IGSF22: variants seen among roughly 807,000 people sequenced by gnomAD.
IGSF22 encodes the protein immunoglobulin superfamily, member 22.
A neutral mutation model predicts 127.0 loss-of-function variants in IGSF22; 119 were observed. That is an observed-to-expected ratio of 0.94 (90% CI 0.81 to 1.09). The LOEUF is 1.09. IGSF22 is among the 50% of genes least tolerant of loss of function. IGSF22 has a pLI of 0.00. For synonymous variants in IGSF22, 568 were observed against 664.7 expected, an observed-to-expected ratio of 0.85 and a Z score of 2.24; for missense variants, 1,518 against 1,716.6, an observed-to-expected ratio of 0.88 and a Z score of 2.04.
At chr11:18,707,719 G>A (rs1590435421) in intron 20 of IGSF22, 85 bp downstream of exon 20, 1 of 1,131,924 alleles carries the variant, frequency 8.8e-7, no homozygotes. Flanking sequence ...ACTTTCCTGT[G>A]GTAGGAACTC....
Position 18,720,277 on chromosome 11 carries a change from T to C in IGSF22, c.387A>G (p.Pro129=). 6.2e-7 allele frequency: 1 copy of C among 1,613,836 alleles called. No individual in the cohort carries two copies. The highest frequency in any genetic ancestry group is 8.5e-7 in the Non-Finnish European group (1 of 1,179,874). Reference sequence around the variant, plus strand: ...AGTTGTCAGAGTCATCCGAAGTCAGTGGCTCCAGCTGGATCAAAGTCCGGC... The same window carrying C: ...AGTTGTCAGAGTCATCCGAAGTCAGCGGCTCCAGCTGGATCAAAGTCCGGC... The part of the protein sequence containing the change: ...INKEHVLKLE[P]LTSDDSDNYK... Residue 129 remains proline (P), a synonymous_variant, in exon 5 of 23, where the codon CCA becomes CCG. Transcript: ENST00000513874.
chr11:18,725,232 A>G (rs1848634189), intron 1 of IGSF22, among the ~76,000 whole-genome samples: 1 of 151,960 alleles, frequency 6.6e-6, no homozygotes, highest in African/African-American at 2.4e-5. Flanking sequence ...AATTCAAGCC[A>G]TTCTCCTGCC....
intron 15 of IGSF22, among the ~76,000 whole-genome samples, chr11:18,711,099 C>T (rs535895727): frequency 1.8e-4 from 28 of 151,756 alleles, no homozygotes; most frequent in Admixed American, 1.8e-3. Context: ...ACTTTGCTTG[C>T]ACATTAACAT....
Position 18,704,358 on chromosome 11 carries a change from A to G in IGSF22, c.*110T>C, listed in dbSNP as rs1848180446. ...CCCCATCCCTTCACTGAATGTTTAC[A>G]TTAACAAACACCAGAGAGCAAACTG... On this transcript the variant is annotated 3_prime_UTR_variant, in exon 23 of 23. Transcript: ENST00000513874. 2 of 727,744 alleles carry G rather than the reference A, an allele frequency of 2.7e-6. No homozygotes were observed. The highest frequency in any genetic ancestry group is 2.7e-5 in the East Asian group (1 of 36,986). The allele number at this position is 727,744 out of a possible 1,614,324, so 45.1% of individuals were successfully genotyped here.
rs1848468343 is a variant in IGSF22 at position 18,716,691 on chromosome 11, T to A, written c.1246+37A>T. The A allele has an allele frequency of 6.2e-7, 1 of 1,602,688 alleles. No individual in the cohort carries two copies. The highest frequency in any genetic ancestry group is 8.5e-7 in the Non-Finnish European group (1 of 1,171,236). ...TACCTGCATGGAGGTTGCTGTGCCA[T>A]AAAGCCCACCCCTTAGGCTCTTGCC... On this transcript the variant is annotated intron_variant, in intron 10 of 22. Coordinates refer to ENST00000513874, the MANE Select transcript of IGSF22 (RefSeq NM_173588.4). This position sits in a 1 kb window ranked among gnomAD's most constrained non-coding sequence, Gnocchi z 4.5.
In IGSF22 at chr11:18,709,804, A is replaced by C. The variant is rs1277721973; in HGVS notation, c.2702-121T>G. ...CACTACTTCTAGCTCCAGATCCCTC[A>C]GTTAACACCCTTAGTACCTAGCCTT... On this transcript the variant is annotated intron_variant, in intron 17 of 22. Transcript: ENST00000513874. The surrounding 1 kb of genome is among the most constrained non-coding windows in gnomAD (Gnocchi z 4.8). 3 of 970,984 alleles carry C rather than the reference A, an allele frequency of 3.1e-6. No individual in the cohort carries two copies. In the African/African-American group the frequency reaches 4.9e-5, roughly 16 times the overall value. 60.1% of individuals were successfully genotyped at this position (970,984 alleles called of 1,614,324 possible).
intron 20 of IGSF22, 85 bp downstream of exon 20, chr11:18,707,719 G>C (rs1590435421): frequency 8.8e-7 from 1 of 1,131,806 alleles, no homozygotes; most frequent in East Asian, 2.6e-5. Context: ...ACTTTCCTGT[G>C]GTAGGAACTC....
chr11:18,718,070 CT>C lies in IGSF22; in HGVS notation c.833del (p.Gln278ArgfsTer9). 1 of 1,614,132 alleles carries C rather than the reference CT, an allele frequency of 6.2e-7. No homozygotes were observed. The highest frequency in any genetic ancestry group is 2.2e-5 in the East Asian group (1 of 44,884). On this transcript the variant is annotated frameshift_variant, in exon 9 of 23. Transcript: ENST00000513874. LOFTEE classifies it high-confidence loss of function. Reference sequence around the variant, plus strand: ...TCACATCGTACTTGCCCAGGGAGTACTGGATCCTCAGTGGCTCAGTACCCTG... The same window carrying C: ...TCACATCGTACTTGCCCAGGGAGTACGGATCCTCAGTGGCTCAGTACCCTG... ...WIKGTEPLRIQYSLGKYDVKQ... is the reference protein window; with the variant it reads ...WIKGTEPLRIXYSLGKYDVKQ...
chr11:18,707,745 G>C (rs1848269654), intron 20 of IGSF22, 59 bp downstream of exon 20: 1 of 1,421,050 alleles, frequency 7.0e-7, no homozygotes, highest in Admixed American at 2.0e-5. Flanking sequence ...GCACTGGGGA[G>C]CTGTGCTTTG....
intron 20 of IGSF22, 129 bp downstream of exon 20, chr11:18,707,675 G>T: frequency 1.4e-6 from 1 of 714,382 alleles, no homozygotes; most frequent in Non-Finnish European, 2.3e-6. Context: ...CTTGCTCTGT[G>T]GTGTCAAAGA....
Position 18,710,713 on chromosome 11 carries a change from T to C in IGSF22, c.2514A>G (p.Val838=). 1 of 1,614,188 alleles carries C rather than the reference T, an allele frequency of 6.2e-7. No homozygotes were observed. The highest frequency in any genetic ancestry group is 8.5e-7 in the Non-Finnish European group (1 of 1,179,998). The change falls in exon 16 of 23, where the codon GTA becomes GTG. Residue 838 remains valine (V), a synonymous_variant. Coordinates refer to ENST00000513874, the MANE Select transcript of IGSF22 (RefSeq NM_173588.4). ...DGGAPVLGYI[V]ERRKKGSNLW... ...GGTTGCTGCCTTTCTTCCTTCGTTC[T>C]ACAATGTAGCCGAGCACTGGGGCTC...
In IGSF22 at chr11:18,704,341, C is replaced by G; in HGVS notation, c.*127G>C. Reference sequence around the variant, plus strand: ...ATGAGTTACGTTTATTGCCCCATCCCTTCACTGAATGTTTACATTAACAAA... The same window carrying G: ...ATGAGTTACGTTTATTGCCCCATCCGTTCACTGAATGTTTACATTAACAAA... On this transcript the variant is annotated 3_prime_UTR_variant, in exon 23 of 23. Coordinates refer to ENST00000513874, the MANE Select transcript of IGSF22 (RefSeq NM_173588.4). 2.9e-6 allele frequency: 2 copies of G among 686,076 alleles called. No homozygotes were observed. Among genetic ancestry groups the G allele is most frequent in the Non-Finnish European group, 5.3e-6 (2 of 377,370 alleles). The allele number at this position is 686,076 out of a possible 1,614,324, so 42.5% of individuals were successfully genotyped here. A position where few individuals can be genotyped will look rare whatever the true frequency, so the allele number is the denominator to read the frequency against.
rs1848451861 is a variant in IGSF22 at position 18,715,719 on chromosome 11, G to A, written c.1247-3C>T. 2 of 1,605,322 alleles carry A rather than the reference G, an allele frequency of 1.2e-6. No homozygotes were observed. The highest frequency in any genetic ancestry group is 4.5e-5 in the East Asian group (2 of 44,754). The stretch of plus-strand genomic sequence containing the variant: ...GCTCACAAACTTGATGGGGATGCCT[G>A]TGGACAGACAGACACTTGGGCCTGC... On this transcript the variant is annotated splice_polypyrimidine_tract_variant and splice_region_variant and intron_variant, in intron 10 of 22. Coordinates refer to ENST00000513874, the MANE Select transcript of IGSF22 (RefSeq NM_173588.4).
At chr11:18,719,233 C>G (rs1848518108) in intron 7 of IGSF22, among the ~76,000 whole-genome samples, 1 of 152,164 alleles carries the variant, frequency 6.6e-6, no homozygotes, top group Non-Finnish European at 1.5e-5. Flanking sequence ...CAACCTCCAC[C>G]TCCTGGGTTC....
chr11:18,713,507 C>T (rs1848396199), intron 14 of IGSF22, among the ~76,000 whole-genome samples: 1 of 152,206 alleles, frequency 6.6e-6, no homozygotes, highest in African/African-American at 2.4e-5. Flanking sequence ...CATCTTACCT[C>T]CTATCAAGTT....
rs1564875629 is a variant in IGSF22, at chr11:18,719,891, GC to G, written c.520del (p.Ala174HisfsTer52). 6.2e-7 allele frequency: 1 copy of G among 1,613,950 alleles called. No homozygotes were observed. The highest frequency in any genetic ancestry group is 1.3e-5 in the African/African-American group (1 of 74,922). ...CTGCTTCTTCTTGGGAGCAGGGGGT[GC>G]CCTAGGAGAAGGAGGAAGGGACTAA... The part of the protein sequence containing the change: ...MDFKKMLKKR[A>X]PPAPKKKQKK... On this transcript the variant is annotated frameshift_variant and splice_region_variant, in exon 7 of 23. Coordinates refer to ENST00000513874, the MANE Select transcript of IGSF22 (RefSeq NM_173588.4). LOFTEE classifies it high-confidence loss of function.
In IGSF22 at chr11:18,712,247, T is replaced by G; in HGVS notation, c.2233A>C (p.Lys745Gln). 1 of 1,551,762 alleles carries G rather than the reference T, an allele frequency of 6.4e-7. No individual in the cohort carries two copies. The highest frequency in any genetic ancestry group is 8.7e-7 in the Non-Finnish European group (1 of 1,147,002). The change falls in exon 15 of 23, where the codon AAG (lysine) becomes CAG (glutamine). Residue 745 changes from lysine to glutamine, a missense_variant. Physicochemically the swap from Lys to Gln is moderately conservative, Grantham distance 53. Transcript: ENST00000513874. The part of the protein sequence containing the change: ...QFIVERRAVG[K>Q]KSWIKIGEVD... Reference sequence around the variant, plus strand: ...TCGCCTATCTTAATCCAGGACTTCTTGCCAACTGCCCTCCGTTCCACTATG... The same window carrying G: ...TCGCCTATCTTAATCCAGGACTTCTGGCCAACTGCCCTCCGTTCCACTATG...
In IGSF22 at chr11:18,721,515, C is replaced by T; in HGVS notation, c.378+20G>A. The T allele has an allele frequency of 6.2e-7, 1 of 1,614,146 alleles. No individual in the cohort carries two copies. The highest frequency in any genetic ancestry group is 8.5e-7 in the Non-Finnish European group (1 of 1,180,014). ...GCCTCTGGCCTTCTCGGTAACTGGA[C>T]TTGGGCTTGGCCCCCGCACCTTCAG... On this transcript the variant is annotated intron_variant, in intron 4 of 22. Coordinates refer to ENST00000513874, the MANE Select transcript of IGSF22 (RefSeq NM_173588.4).
intron 14 of IGSF22, 28 bp downstream of exon 14, chr11:18,713,824 G>A: frequency 6.4e-7 from 1 of 1,564,458 alleles, no homozygotes. Flanking sequence ...CCTCAGCTCA[G>A]CCCAGCCCGG....
Sources: allele counts gnomAD v4.1 joint callset (sites outside exome capture counted in the v4.1 genomes callset), GRCh38; gene constraint gnomAD v4.1.1; non-coding constraint Gnocchi (gnomAD v3.1); transcripts MANE v1.5; gene names NCBI Gene and HGNC (gene_info 2026-07-23, HGNC 2026-07-21).